Variants in SLCO6A1 observed in about 807,000 individuals in gnomAD.
SLCO6A1 encodes solute carrier organic anion transporter family member 6A1, also known as cancer/testis antigen 48.
Under a neutral mutation model 72.7 loss-of-function variants are expected in SLCO6A1, and 65 were observed. The ratio of observed to expected loss-of-function variants is 0.89; its 90% CI spans 0.73 to 1.10. The LOEUF (loss-of-function observed/expected upper bound fraction) is 1.10. SLCO6A1 is among the 50% of genes least tolerant of loss of function. The pLI is 0.00. For synonymous variants in SLCO6A1, 314 were observed against 298.2 expected, an observed-to-expected ratio of 1.05 and a Z score of -0.55; for missense variants, 874 against 872.6, an observed-to-expected ratio of 1.00 and a Z score of -0.02.
At chr5:102,447,324 T>C (rs1462371126) in intron 6 of SLCO6A1, among the ~76,000 whole-genome samples, 1 of 152,158 alleles carries the variant, frequency 6.6e-6, no homozygotes, top group Non-Finnish European at 1.5e-5. Context: ...GCCTGAAGCG[T>C]TCTTATTTCA....
At chr5:102,453,228 G>A (rs958273839) in intron 6 of SLCO6A1, among the ~76,000 whole-genome samples, 7 of 151,852 alleles carry the variant, frequency 4.6e-5, no homozygotes, top group African/African-American at 1.7e-4. Flanking sequence ...GTATGGTGAT[G>A]TGCACCTACG....
chr5:102,413,474 C>T (rs927361520), intron 8 of SLCO6A1, among the ~76,000 whole-genome samples: 1 of 151,764 alleles, frequency 6.6e-6, no homozygotes, highest in African/African-American at 2.4e-5. Context: ...CTAGCATACA[C>T]TGATCTACTT....
intron 2 of SLCO6A1, among the ~76,000 whole-genome samples, chr5:102,478,394 CAA>C (rs1203140083): frequency 6.6e-6 from 1 of 152,154 alleles, no homozygotes; most frequent in East Asian, 1.9e-4. Context: ...TCTGCGTTAT[CAA>C]AGAGTACTTT....
rs143264065 is a variant in SLCO6A1 at position 102,413,032 on chromosome 5, G to A, written c.1584C>T (p.Cys528=). ...CTTTAGAATATGTACACCCTGCAAA[G>A]CAGGGAGAAAAATATTCAATATCAT... The part of the protein sequence containing the change: ...GRDDIEYFSP[C]FAGCTYSKAQ... The change falls in exon 9 of 14, where the codon TGC becomes TGT. Residue 528 remains cysteine (C), a synonymous_variant. Transcript: ENST00000506729. 577 of 1,560,084 alleles carry A rather than the reference G, an allele frequency of 3.7e-4. 3 individuals are homozygous for A. The African/African-American group carries it at 7.2e-3, about 19-fold the overall frequency.
intron 3 of SLCO6A1, 27 bp from the exon 4 acceptor site, chr5:102,475,820 A>T: frequency 6.7e-7 from 1 of 1,496,484 alleles, no homozygotes; most frequent in East Asian, 2.3e-5. Context: ...GAAACTGAAC[A>T]TCAAACAATT....
chr5:102,400,700 A>C (rs1186466283), intron 9 of SLCO6A1, among the ~76,000 whole-genome samples: 1 of 152,148 alleles, frequency 6.6e-6, no homozygotes, highest in Non-Finnish European at 1.5e-5. Flanking sequence ...ACTAGTGAAA[A>C]AATAAGAGAA....
rs549956612 is a variant in SLCO6A1 at position 102,422,154 on chromosome 5, T to C, written c.1277-2133A>G. Among the ~76,000 whole-genome samples, 90 of 152,150 alleles carry C rather than the reference T, an allele frequency of 5.9e-4. 1 individual carries two copies. Among genetic ancestry groups the C allele is most frequent in the African/African-American group, 1.9e-3 (77 of 41,508 alleles). ...CAAAGATCAAAGGTAGATAAATCCA[T>C]AAAGATGAGGAAAAACCAGTGCAAA... On this transcript the variant is annotated intron_variant, in intron 7 of 13. Coordinates refer to ENST00000506729, the MANE Select transcript of SLCO6A1 (RefSeq NM_173488.5).
intron 12 of SLCO6A1, among the ~76,000 whole-genome samples, chr5:102,379,185 G>A (rs1745978897): frequency 6.6e-6 from 1 of 152,086 alleles, no homozygotes; most frequent in African/African-American, 2.4e-5. Context: ...ATTTGTGGGA[G>A]TGCTTTATTT....
chr5:102,454,699 C>CA (rs1412143065), intron 6 of SLCO6A1, among the ~76,000 whole-genome samples: 4 of 147,946 alleles, frequency 2.7e-5, no homozygotes, highest in Non-Finnish European at 4.5e-5. Flanking sequence ...TTAAAACAAA[C>CA]AAAAAAAACC....
chr5:102,386,370 G>C lies in SLCO6A1; in HGVS notation c.2017+2318C>G, dbSNP rs552302184. On this transcript the variant is annotated intron_variant, in intron 12 of 13. Transcript: ENST00000506729. The stretch of plus-strand genomic sequence containing the variant: ...GAGATGGTGCTGGGGCAGGCCTTGA[G>C]CACTTTTGGGGTGGGCCTTGTTTCT... 1.9e-3 allele frequency among the ~76,000 whole-genome samples: 289 copies of C among 152,268 alleles called. 3 individuals are homozygous for C. The highest frequency in any genetic ancestry group is 6.7e-3 in the African/African-American group (279 of 41,562).
intron 12 of SLCO6A1, among the ~76,000 whole-genome samples, 170 bp downstream of exon 12, chr5:102,388,518 A>T (rs755894986): frequency 1.9e-3 from 282 of 151,992 alleles, no homozygotes; most frequent in Non-Finnish European, 2.5e-3. Context: ...TTTATTTTTT[A>T]AAATTTTACT....
intron 6 of SLCO6A1, among the ~76,000 whole-genome samples, chr5:102,447,402 C>T (rs1352437976): frequency 6.6e-6 from 1 of 152,082 alleles, no homozygotes; most frequent in Non-Finnish European, 1.5e-5. Flanking sequence ...AGGAGGAGTA[C>T]CTCCCCCTTG....
intron 6 of SLCO6A1, among the ~76,000 whole-genome samples, chr5:102,454,940 A>G (rs1478871174): frequency 6.7e-6 from 1 of 149,496 alleles, no homozygotes; most frequent in Non-Finnish European, 1.5e-5. Flanking sequence ...ACAAGTAAAC[A>G]TATTTCTGAT....
intron 9 of SLCO6A1, among the ~76,000 whole-genome samples, chr5:102,409,014 C>T (rs1747822875): frequency 6.6e-6 from 1 of 151,982 alleles, no homozygotes; most frequent in African/African-American, 2.4e-5. Flanking sequence ...ATAATGAAAA[C>T]TATATCAGCG....
intron 6 of SLCO6A1, among the ~76,000 whole-genome samples, chr5:102,451,212 C>T (rs752452831): frequency 3.9e-5 from 6 of 152,150 alleles, no homozygotes; most frequent in Non-Finnish European, 8.8e-5. Context: ...AGTAGAGTGG[C>T]ATAAATAGCA....
In SLCO6A1 at chr5:102,411,829, G is replaced by C. The variant is rs543041804; in HGVS notation, c.1626+1161C>G. 1.5e-4 allele frequency among the ~76,000 whole-genome samples: 23 copies of C among 152,096 alleles called. 1 individual carries two copies. In the South Asian group the frequency reaches 1.9e-3, roughly 12 times the overall value. ...ATGGCCCTGCAAAGCAGTCCTTTGT[G>C]GGGGGGAAATGTGCATCTGTAAAGA... is the stretch of plus-strand genomic sequence containing the variant. On this transcript the variant is annotated intron_variant, in intron 9 of 13. Coordinates refer to ENST00000506729, the MANE Select transcript of SLCO6A1 (RefSeq NM_173488.5).
chr5:102,398,941 C>G (rs1439269880), intron 10 of SLCO6A1, among the ~76,000 whole-genome samples: 1 of 151,836 alleles, frequency 6.6e-6, no homozygotes, highest in Non-Finnish European at 1.5e-5. Flanking sequence ...GTTTCCTGGT[C>G]AGCCTATGCA....
At chr5:102,407,946 A>G (rs1157322266) in intron 9 of SLCO6A1, among the ~76,000 whole-genome samples, 1 of 152,144 alleles carries the variant, frequency 6.6e-6, no homozygotes, top group Non-Finnish European at 1.5e-5. Flanking sequence ...CCAGTCATGC[A>G]TGGCATGTCT....
intron 6 of SLCO6A1, among the ~76,000 whole-genome samples, chr5:102,455,927 C>T (rs1037114084): frequency 2.6e-5 from 4 of 152,174 alleles, no homozygotes; most frequent in Non-Finnish European, 5.9e-5. Context: ...GGGCTTCATC[C>T]CTGGGATGCA....
Sources: allele counts gnomAD v4.1 joint callset (sites outside exome capture counted in the v4.1 genomes callset), GRCh38; gene constraint gnomAD v4.1.1; transcripts MANE v1.5; gene names NCBI Gene and HGNC (gene_info 2026-07-23, HGNC 2026-07-21).